NCOA2: variants seen among roughly 807,000 people sequenced by gnomAD.
NCOA2 encodes the protein class E basic helix-loop-helix protein 75.
NCOA2 carries 21 observed loss-of-function variants against 145.1 expected under a neutral mutation model. That is an observed-to-expected ratio of 0.14 (90% CI 0.10 to 0.21). The LOEUF (loss-of-function observed/expected upper bound fraction) is 0.21, where lower values mean the gene tolerates loss of function less well. Among genes scored for constraint, NCOA2 ranks in the 10% least tolerant of loss-of-function variants. NCOA2 has a pLI of 1.00. For synonymous variants in NCOA2, 619 were observed against 637.5 expected (o/e 0.97, Z 0.44); for missense variants, 1,472 against 1,837.6 (o/e 0.80, Z 3.64).
At chr8:70,203,448 C>A (rs943371618) in intron 4 of NCOA2, among the ~76,000 whole-genome samples, 1 of 151,282 alleles carries the variant, frequency 6.6e-6, no homozygotes, top group Non-Finnish European at 1.5e-5. Flanking sequence ...TTTAAAAAAA[C>A]AAACCCAAAA....
intron 1 of NCOA2, among the ~76,000 whole-genome samples, chr8:70,386,354 T>A (rs1054932967): frequency 6.6e-6 from 1 of 152,238 alleles, no homozygotes; most frequent in Non-Finnish European, 1.5e-5. Context: ...GCTCTCACCA[T>A]GTAAAAAGCC....
At chr8:70,369,384 T>C (rs1224927160) in intron 1 of NCOA2, among the ~76,000 whole-genome samples, 1 of 152,246 alleles carries the variant, frequency 6.6e-6, no homozygotes. Context: ...GGATTTTAGA[T>C]TTTCTTAAAG....
At chr8:70,336,523 G>A (rs567657368) in intron 1 of NCOA2, among the ~76,000 whole-genome samples, 1 of 152,108 alleles carries the variant, frequency 6.6e-6, no homozygotes, top group South Asian at 2.1e-4. Context: ...TTCCTCATGG[G>A]GAGGCCTCAG....
chr8:70,336,153 T>G (rs891766223), intron 1 of NCOA2, among the ~76,000 whole-genome samples: 1 of 152,182 alleles, frequency 6.6e-6, no homozygotes, highest in East Asian at 1.9e-4. Flanking sequence ...GGCAGCATGG[T>G]AGGTTTGTTT....
the NCOA2 span, chr8:70,424,512 A>G: frequency 1.1e-5 from 6 of 530,840 alleles, no homozygotes; most frequent in African/African-American, 1.9e-5. Flanking sequence ...TTTTCTGCCA[A>G]CATGGATGTT....
At chr8:70,202,901 T>C (rs748023762) in intron 4 of NCOA2, among the ~76,000 whole-genome samples, 5 of 152,032 alleles carry the variant, frequency 3.3e-5, no homozygotes, top group African/African-American at 9.7e-5. Flanking sequence ...CCAATGAAAA[T>C]AGTTGCAAGG....
At chr8:70,293,172 T>C (rs1826835262) in intron 2 of NCOA2, among the ~76,000 whole-genome samples, 1 of 152,198 alleles carries the variant, frequency 6.6e-6, no homozygotes, top group Admixed American at 6.5e-5. Context: ...TATTTCAGTA[T>C]TCTCAATTTT....
chr8:70,282,132 A>G (rs1402390368), intron 2 of NCOA2, among the ~76,000 whole-genome samples: 1 of 152,336 alleles, frequency 6.6e-6, no homozygotes, highest in Non-Finnish European at 1.5e-5. Context: ...GCTGATTTCT[A>G]ATTTCCTGAG....
intron 22 of NCOA2, among the ~76,000 whole-genome samples, chr8:70,117,770 A>G (rs770054189): frequency 1.2e-4 from 18 of 152,256 alleles, no homozygotes; most frequent in Non-Finnish European, 2.5e-4. Context: ...CTCTCAAAAC[A>G]GTAGCTCTAC....
At chr8:70,257,720 C>T (rs1298780184) in intron 2 of NCOA2, among the ~76,000 whole-genome samples, 3 of 152,016 alleles carry the variant, frequency 2.0e-5, no homozygotes, top group Non-Finnish European at 2.9e-5. Flanking sequence ...TCCTGCCATT[C>T]TCTGAAGTCT....
At chr8:70,215,332 G>C (rs970831865) in intron 3 of NCOA2, among the ~76,000 whole-genome samples, 1 of 152,144 alleles carries the variant, frequency 6.6e-6, no homozygotes, top group African/African-American at 2.4e-5. Context: ...CCCAGAGGGA[G>C]GGCTCAGAGA....
intron 11 of NCOA2, 42 bp from the exon 12 acceptor site, chr8:70,148,525 G>A (rs776792660): frequency 3.2e-6 from 5 of 1,583,000 alleles, no homozygotes; most frequent in Middle Eastern, 2.3e-4. Flanking sequence ...TCTACTCTAA[G>A]AGTAGACACC....
chr8:70,441,794 A>AAGAAG, the NCOA2 span, among the ~76,000 whole-genome samples: 1 of 16,478 alleles, frequency 6.1e-5, no homozygotes, highest in Non-Finnish European at 2.7e-4. Flanking sequence ...GAAAGAAAGA[A>AAGAAG]AGAAAGAAAG....
intron 4 of NCOA2, among the ~76,000 whole-genome samples, chr8:70,210,343 A>G (rs1818882783): frequency 6.6e-6 from 1 of 152,216 alleles, no homozygotes; most frequent in South Asian, 2.1e-4. Flanking sequence ...ATCTAACTTA[A>G]TTACTAAGTA....
At chr8:70,402,516 AG>A (rs1814385978) in intron 1 of NCOA2, 1 of 151,924 alleles carries the variant, frequency 6.6e-6, no homozygotes, top group Non-Finnish European at 1.5e-5. Context: ...GTCTCGGAAG[AG>A]GCGCCTCTGG....
intron 2 of NCOA2, among the ~76,000 whole-genome samples, chr8:70,262,722 CT>C (rs200284439): frequency 6.6e-6 from 1 of 152,294 alleles, no homozygotes; most frequent in East Asian, 1.9e-4. Context: ...CCTGAGAAGG[CT>C]GCTATAATTT....
intron 1 of NCOA2, among the ~76,000 whole-genome samples, chr8:70,343,385 A>G (rs1050211111): frequency 1.3e-5 from 2 of 152,160 alleles, no homozygotes; most frequent in African/African-American, 4.8e-5. Flanking sequence ...AAAAAATCAA[A>G]TAATCAGTGA....
In NCOA2 at chr8:70,131,976, T is replaced by C; in HGVS notation, c.3185A>G (p.Asp1062Gly). ...AGCTGCAGGATGTGGACATAGCAAG[T>C]CATCTGGAGAACTGCCAAATGGCTG... ...NRQPFGSSPD[D>G]LLCPHPAAES... is the part of the protein sequence containing the mutation. Residue 1062 changes from aspartate to glycine, a missense_variant, in exon 16 of 23, where the codon GAC (aspartate) becomes GGC (glycine). Transcript: ENST00000452400. 1.2e-6 allele frequency: 2 copies of C among 1,612,596 alleles called. No homozygotes were observed. The highest frequency in any genetic ancestry group is 2.2e-5 in the South Asian group (2 of 90,530).
intron 7 of NCOA2, among the ~76,000 whole-genome samples, chr8:70,164,670 C>T (rs1475114308): frequency 1.3e-5 from 2 of 152,020 alleles, no homozygotes; most frequent in Non-Finnish European, 2.9e-5. Flanking sequence ...CTTGGCTGTT[C>T]CTGAATTGCT....
Sources: gnomAD v4.1 joint callset for allele counts (sites outside exome capture counted in the v4.1 genomes callset) on GRCh38, gnomAD v4.1.1 for gene constraint, MANE v1.5 for transcripts, NCBI Gene and HGNC (gene_info 2026-07-23, HGNC 2026-07-21) for gene names.